Variants in RBFOX1 observed in about 807,000 individuals in gnomAD.
RBFOX1 encodes the protein RNA binding protein fox-1 homolog 1.
A neutral mutation model predicts 57.7 loss-of-function variants in RBFOX1; 8 were observed. The observed-to-expected ratio is 0.14, with a 90% confidence interval of 0.08 to 0.25. RBFOX1 has a LOEUF of 0.25. Ranked by LOEUF, RBFOX1 falls within the 10% of genes least tolerant of loss-of-function variation. RBFOX1 has a pLI of 1.00. For missense variants in RBFOX1, 611 were observed against 548.5 expected (o/e 1.11, Z -1.14); for synonymous variants, 326 against 222.4 (o/e 1.47, Z -4.15).
rs1051774487 is a variant in RBFOX1 at position 6,612,390 on chromosome 16, A to T, written c.-63-42213A>T. ...CACTGCTTTTAAAAGTAGTAAATAA[A>T]AACACATATCATGTATGCATATGTG... On this transcript the variant is annotated intron_variant, in intron 2 of 15. Coordinates refer to ENST00000550418, the MANE Select transcript of RBFOX1 (RefSeq NM_018723.4). Among the ~76,000 whole-genome samples the T allele has an allele frequency of 3.3e-5, 5 of 152,350 alleles. 1 individual carries two copies. In the South Asian group the frequency reaches 1.0e-3, roughly 32 times the overall value.
At chr16:7,492,461 CT>C (rs2151568516) in intron 4 of RBFOX1, among the ~76,000 whole-genome samples, 1 of 152,186 alleles carries the variant, frequency 6.6e-6, no homozygotes, top group African/African-American at 2.4e-5. Context: ...ATAATGAGAG[CT>C]GCCTGTCACC....
chr16:5,821,132 C>T (rs1302462931), intron 3 of RBFOX1, among the ~76,000 whole-genome samples: 3 of 152,104 alleles, frequency 2.0e-5, no homozygotes, highest in Non-Finnish European at 4.4e-5. Context: ...TCAGGCAGGA[C>T]AAAGGCTCTC....
intron 2 of RBFOX1, among the ~76,000 whole-genome samples, chr16:5,500,761 C>T (rs945078284): frequency 1.3e-5 from 2 of 152,148 alleles, no homozygotes; most frequent in African/African-American, 4.8e-5. Context: ...ATTCCATAAG[C>T]TTTTTGCGTG....
chr16:5,490,700 A>G (rs1413876721), intron 2 of RBFOX1, among the ~76,000 whole-genome samples: 2 of 152,204 alleles, frequency 1.3e-5, no homozygotes, highest in Non-Finnish European at 2.9e-5. Flanking sequence ...AGGCCTGGCC[A>G]GGCGGATTCC....
At chr16:7,314,166 A>G (rs1471638233) in intron 4 of RBFOX1, among the ~76,000 whole-genome samples, 1 of 152,172 alleles carries the variant, frequency 6.6e-6, no homozygotes, top group East Asian at 1.9e-4. Context: ...ACTGAGAATG[A>G]TGGAGTGTAT....
intron 3 of RBFOX1, among the ~76,000 whole-genome samples, chr16:6,827,980 T>C (rs1396005419): frequency 2.0e-5 from 3 of 152,186 alleles, no homozygotes; most frequent in African/African-American, 7.2e-5. Context: ...AGGGGACAAA[T>C]CTTGTCTGCT....
chr16:6,710,979 C>T (rs1568311987), intron 3 of RBFOX1, among the ~76,000 whole-genome samples: 2 of 152,160 alleles, frequency 1.3e-5, no homozygotes. Context: ...CCCAAAGAAG[C>T]TCTACTGAGC....
At chr16:5,978,529 G>C (rs11076997) in intron 4 of RBFOX1, among the ~76,000 whole-genome samples, 1 of 152,090 alleles carries the variant, frequency 6.6e-6, no homozygotes, top group Non-Finnish European at 1.5e-5. Context: ...ATTCTATTCA[G>C]ATCTCACTGG....
At chr16:5,372,165 G>A (rs977708638) in intron 1 of RBFOX1, among the ~76,000 whole-genome samples, 1 of 152,170 alleles carries the variant, frequency 6.6e-6, no homozygotes, top group African/African-American at 2.4e-5. Context: ...GGGAGGTTAG[G>A]TCAATATTTG....
At chr16:7,463,356 T>C (rs1482841820) in intron 4 of RBFOX1, among the ~76,000 whole-genome samples, 5 of 152,044 alleles carry the variant, frequency 3.3e-5, no homozygotes, top group African/African-American at 4.8e-5. Flanking sequence ...ATACAAAAAT[T>C]AGCTGGGTGT....
intron 3 of RBFOX1, among the ~76,000 whole-genome samples, chr16:5,837,327 A>G (rs1358198316): frequency 1.3e-5 from 2 of 151,964 alleles, no homozygotes; most frequent in Non-Finnish European, 2.9e-5. Context: ...CAAGGGTCCT[A>G]GAATAACAAA....
intron 3 of RBFOX1, among the ~76,000 whole-genome samples, chr16:6,990,964 T>A (rs1383920204): frequency 6.6e-6 from 1 of 152,034 alleles, no homozygotes; most frequent in Non-Finnish European, 1.5e-5. Flanking sequence ...TGATTGCATA[T>A]TTTAAAGCTC....
intron 4 of RBFOX1, among the ~76,000 whole-genome samples, chr16:7,107,441 C>T (rs148972519): frequency 3.3e-5 from 5 of 152,258 alleles, no homozygotes; most frequent in African/African-American, 9.6e-5. Context: ...CAACACTCCT[C>T]TCCTTACTCA....
chr16:6,097,046 T>A lies in RBFOX1; in HGVS notation c.-127+77054T>A, dbSNP rs747578482. Among the ~76,000 whole-genome samples, 3 of 152,158 alleles carry A rather than the reference T, an allele frequency of 2.0e-5. No homozygotes were observed. Among genetic ancestry groups the A allele is most frequent in the African/African-American group, 7.2e-5 (3 of 41,450 alleles). ...AGGGACTTCGTGGGAGATAACTGAA[T>A]CATGGGGGTGGTTTCCCCCATACTG... On this transcript the variant is annotated intron_variant, in intron 1 of 15. Transcript: ENST00000550418. The surrounding 1 kb of genome is among the most constrained non-coding windows in gnomAD (Gnocchi z 5.0).
At chr16:7,511,424 C>G (rs1177306389) in intron 4 of RBFOX1, among the ~76,000 whole-genome samples, 1 of 152,158 alleles carries the variant, frequency 6.6e-6, no homozygotes, top group East Asian at 1.9e-4. Flanking sequence ...CCTGAGTCCA[C>G]TTCAGAGAGA....
At chr16:6,944,228 C>G (rs950904630) in intron 3 of RBFOX1, among the ~76,000 whole-genome samples, 4 of 151,856 alleles carry the variant, frequency 2.6e-5, no homozygotes. Context: ...AACCCTTTCT[C>G]TACTAAAAAT....
chr16:5,945,650 C>A (rs754591159), intron 4 of RBFOX1, among the ~76,000 whole-genome samples: 1 of 152,214 alleles, frequency 6.6e-6, no homozygotes, highest in African/African-American at 2.4e-5. Flanking sequence ...GATCAAAACA[C>A]AGATGTGGCT....
At chr16:6,396,792 G>C (rs2109458) in intron 2 of RBFOX1, among the ~76,000 whole-genome samples, 47,003 of 151,872 alleles carry the variant, frequency 0.31, 7,984 homozygotes, top group East Asian at 0.55. Flanking sequence ...AGTTAACCCT[G>C]ACATAAAAAA....
chr16:6,976,874 C>T (rs867483954), intron 3 of RBFOX1, among the ~76,000 whole-genome samples: 52 of 6,596 alleles, frequency 7.9e-3, no homozygotes, highest in East Asian at 0.11. Flanking sequence ...TCACATATGT[C>T]ATATCCATAT....
Sources: gnomAD v4.1 joint callset for allele counts (sites outside exome capture counted in the v4.1 genomes callset) on GRCh38, gnomAD v4.1.1 for gene constraint, Gnocchi (gnomAD v3.1) non-coding constraint, MANE v1.5 for transcripts, NCBI Gene and HGNC (gene_info 2026-07-23, HGNC 2026-07-21) for gene names.